SNX3: variants seen among roughly 807,000 people sequenced by gnomAD.
SNX3 encodes the protein sorting nexin-3.
A neutral mutation model predicts 17.7 loss-of-function variants in SNX3; 5 were observed. The observed-to-expected ratio is 0.28, with a 90% CI of 0.15 to 0.59. The LOEUF (loss-of-function observed/expected upper bound fraction) is 0.59, where lower values mean the gene tolerates loss of function less well. SNX3 is among the 20% of genes least tolerant of loss of function. SNX3 has a pLI of 0.88. For missense variants in SNX3, 132 were observed against 206.8 expected (o/e 0.64, Z 2.22); for synonymous variants, 91 against 76.5 (o/e 1.19, Z -0.99).
chr6:108,216,812 A>G (rs954904027), intron 2 of SNX3, among the ~76,000 whole-genome samples: 5 of 152,194 alleles, frequency 3.3e-5, no homozygotes, highest in Non-Finnish European at 5.9e-5. Context: ...AAAACAAAAA[A>G]ACCAAATGTC....
At chr6:108,258,495 G>T (rs1776096138) in intron 1 of SNX3, among the ~76,000 whole-genome samples, 1 of 151,588 alleles carries the variant, frequency 6.6e-6, no homozygotes, top group African/African-American at 2.4e-5. Flanking sequence ...ACATGTAAAT[G>T]ACTATACCAA....
intron 1 of SNX3, among the ~76,000 whole-genome samples, chr6:108,246,313 C>CTTTTTTTTTTTTTTTTTTTT (rs71015538): frequency 2.1e-5 from 1 of 47,972 alleles, no homozygotes; most frequent in African/African-American, 9.0e-5. Flanking sequence ...TTTGAGCATT[C>CTTTTTTTTTTTTTTTTTTTT]TTTTTTTTTT....
chr6:108,231,605 T>G (rs533770667), intron 1 of SNX3, among the ~76,000 whole-genome samples: 1 of 152,364 alleles, frequency 6.6e-6, no homozygotes, highest in South Asian at 2.1e-4. Flanking sequence ...TTTGTCCCAT[T>G]ACTGGGTCAC....
chr6:108,259,824 T>C (rs1282946621), intron 1 of SNX3, among the ~76,000 whole-genome samples: 2 of 152,230 alleles, frequency 1.3e-5, no homozygotes, highest in Admixed American at 1.3e-4. Flanking sequence ...CATATAAATT[T>C]TGATTAAAGG....
intron 1 of SNX3, among the ~76,000 whole-genome samples, chr6:108,241,171 T>C (rs1362482288): frequency 1.0e-5 from 1 of 99,354 alleles, no homozygotes; most frequent in Admixed American, 1.0e-4. Context: ...AAAAAAAAAG[T>C]ATGTGTGCTT....
chr6:108,222,205 T>G (rs1304642070), intron 2 of SNX3: 1 of 1,303,648 alleles, frequency 7.7e-7, no homozygotes, highest in Admixed American at 2.3e-5. Flanking sequence ...AGTTCAGGAC[T>G]CCTACCATAC....
chr6:108,257,135 G>A (rs1290911659), intron 1 of SNX3, among the ~76,000 whole-genome samples: 1 of 152,172 alleles, frequency 6.6e-6, no homozygotes, highest in African/African-American at 2.4e-5. Flanking sequence ...CCAAATTCTG[G>A]AACATAAAAT....
chr6:108,254,210 G>C (rs765943096), intron 1 of SNX3, among the ~76,000 whole-genome samples: 2 of 151,808 alleles, frequency 1.3e-5, no homozygotes, highest in Non-Finnish European at 2.9e-5. Flanking sequence ...AGGCTCCTCA[G>C]GTGATATGAA....
chr6:108,214,926 G>A (rs1774519000), intron 2 of SNX3, among the ~76,000 whole-genome samples: 1 of 152,228 alleles, frequency 6.6e-6, no homozygotes, highest in African/African-American at 2.4e-5. Flanking sequence ...AGGTTACCAT[G>A]CCCCTCAGAC....
At chr6:108,237,884 A>T (rs1239659109) in intron 1 of SNX3, among the ~76,000 whole-genome samples, 1 of 151,238 alleles carries the variant, frequency 6.6e-6, no homozygotes, top group Non-Finnish European at 1.5e-5. Context: ...GATCACTTGA[A>T]CTCAGGAGTT....
Position 108,212,092 on chromosome 6 carries a change from C to A in SNX3, c.*57G>T. The A allele has an allele frequency of 2.2e-6, 2 of 898,088 alleles. No individual in the cohort carries two copies. The highest frequency in any genetic ancestry group is 4.7e-5 in the Admixed American group (2 of 42,218). 55.6% of individuals were successfully genotyped at this position (898,088 alleles called of 1,614,324 possible). A position where few individuals can be genotyped will look rare whatever the true frequency, so the allele number is the denominator to read the frequency against. ...TGCAGCATGCTAAAAGTTAGAACTT[C>A]TTCACTGGTGCTTATCAATCATTAA... On this transcript the variant is annotated 3_prime_UTR_variant, in exon 4 of 4. Coordinates refer to ENST00000230085, the MANE Select transcript of SNX3 (RefSeq NM_003795.6).
chr6:108,229,594 T>C (rs1462087062), intron 1 of SNX3, among the ~76,000 whole-genome samples: 3 of 152,164 alleles, frequency 2.0e-5, no homozygotes, highest in Non-Finnish European at 4.4e-5. Context: ...TTTTTCGTTT[T>C]GTTTGTTTTT....
At chr6:108,230,349 G>A (rs1775105596) in intron 1 of SNX3, among the ~76,000 whole-genome samples, 2 of 151,992 alleles carry the variant, frequency 1.3e-5, no homozygotes, top group South Asian at 2.1e-4. Flanking sequence ...CCTAGCTACT[G>A]TTCATTTTAT....
At position 108,248,646 on chromosome 6, in the gene SNX3, A is replaced by G. The variant is rs61343288; in HGVS notation, c.162+12114T>C. On this transcript the variant is annotated intron_variant, in intron 1 of 3. Coordinates refer to ENST00000230085, the MANE Select transcript of SNX3 (RefSeq NM_003795.6). ...CGCTCTAAAACTGCAATTTATCCCA[A>G]CTTAAGCATATCAACATAATCTGGC... 5.4e-3 allele frequency among the ~76,000 whole-genome samples: 825 copies of G among 152,330 alleles called. 7 individuals carry two copies. The highest frequency in any genetic ancestry group is 0.019 in the African/African-American group (783 of 41,586).
intron 2 of SNX3, among the ~76,000 whole-genome samples, chr6:108,218,641 G>C (rs762910487): frequency 7.9e-5 from 12 of 152,222 alleles, no homozygotes. Context: ...GTATAAATAA[G>C]ATGTGGTATA....
At chr6:108,238,117 A>G (rs489384) in intron 1 of SNX3, among the ~76,000 whole-genome samples, 2 of 151,100 alleles carry the variant, frequency 1.3e-5, no homozygotes, top group Admixed American at 6.6e-5. Context: ...AAAAAAAAAA[A>G]AAACAAACAA....
chr6:108,237,556 C>T (rs2114739721), intron 1 of SNX3, among the ~76,000 whole-genome samples: 1 of 152,170 alleles, frequency 6.6e-6, no homozygotes, highest in African/African-American at 2.4e-5. Flanking sequence ...GAGGCCGAGG[C>T]AGGCGGATCG....
At chr6:108,224,605 A>G (rs1027757984) in intron 1 of SNX3, among the ~76,000 whole-genome samples, 2 of 152,156 alleles carry the variant, frequency 1.3e-5, no homozygotes, top group Non-Finnish European at 2.9e-5. Context: ...AAATGAAACC[A>G]AAATATTTTG....
chr6:108,212,042 T>C lies in SNX3; in HGVS notation c.*107A>G, dbSNP rs1213203104. On this transcript the variant is annotated 3_prime_UTR_variant, in exon 4 of 4. Coordinates refer to ENST00000230085, the MANE Select transcript of SNX3 (RefSeq NM_003795.6). ...ACTGAGCATATGAGTGTTAGTATACTGAAGGCATGTTATACCAGTTTCTGT... is the reference window on the plus strand; with the variant it reads ...ACTGAGCATATGAGTGTTAGTATACCGAAGGCATGTTATACCAGTTTCTGT... 4.8e-6 allele frequency: 3 copies of C among 625,258 alleles called. No homozygotes were observed. Among genetic ancestry groups the C allele is most frequent in the African/African-American group, 1.9e-5 (1 of 53,376 alleles). The allele number at this position is 625,258 out of a possible 1,614,324, so 38.7% of individuals were successfully genotyped here.
Sources: gnomAD v4.1 joint callset for allele counts (sites outside exome capture counted in the v4.1 genomes callset) on GRCh38, gnomAD v4.1.1 for gene constraint, MANE v1.5 for transcripts, NCBI Gene and HGNC (gene_info 2026-07-23, HGNC 2026-07-21) for gene names.